Variants in FAM227B observed in about 807,000 individuals in gnomAD.
FAM227B encodes family with sequence similarity 227 member B, also known as protein FAM227B.
Under a neutral mutation model 73.8 loss-of-function variants are expected in FAM227B, and 88 were observed. That is an observed-to-expected ratio of 1.19 (90% CI 1.00 to 1.42). FAM227B has a LOEUF of 1.42. Ranked by LOEUF, FAM227B falls within the 40% of genes most tolerant of loss-of-function variation. The pLI, the probability that FAM227B is intolerant of heterozygous loss-of-function variation, is 0.00. For missense variants in FAM227B, 632 were observed against 590.9 expected (o/e 1.07, Z -0.72); for synonymous variants, 210 against 190.5 (o/e 1.10, Z -0.84).
At chr15:49,500,819 G>C (rs1038167142) in intron 11 of FAM227B, among the ~76,000 whole-genome samples, 1 of 152,142 alleles carries the variant, frequency 6.6e-6, no homozygotes, top group Non-Finnish European at 1.5e-5. Flanking sequence ...AGAATGGCTG[G>C]GGCCATTCCC....
chr15:49,427,911 A>T (rs78421699), intron 11 of FAM227B, among the ~76,000 whole-genome samples: 3,709 of 152,106 alleles, frequency 0.024, 123 homozygotes, highest in South Asian at 0.16. Context: ...AGGGAATTTT[A>T]AAAAATTACT....
intron 11 of FAM227B, among the ~76,000 whole-genome samples, chr15:49,493,886 A>ATG (rs1333254358): frequency 2.9e-5 from 4 of 138,814 alleles, no homozygotes; most frequent in South Asian, 4.5e-4. Context: ...ATATATATAT[A>ATG]TATGTGTGTG....
intron 11 of FAM227B, among the ~76,000 whole-genome samples, chr15:49,498,589 C>T (rs1273004289): frequency 3.3e-5 from 5 of 152,042 alleles, no homozygotes; most frequent in African/African-American, 4.8e-5. Flanking sequence ...CACGTTTTAG[C>T]GTCAGATATA....
chr15:49,370,993 T>G (rs2045766966), intron 12 of FAM227B, among the ~76,000 whole-genome samples: 1 of 152,162 alleles, frequency 6.6e-6, no homozygotes, highest in African/African-American at 2.4e-5. Context: ...AAGATCATAT[T>G]CATGTGCAAA....
rs189391603 is a variant in FAM227B, at chr15:49,368,061, C to G, written c.1111-453G>C. On this transcript the variant is annotated intron_variant, in intron 12 of 15. Transcript: ENST00000299338. ...TTTAAAATAAAGACAAGGAGAAAAA[C>G]CTCAAAAGCAAGAGTAAGCAACTCA... is the stretch of plus-strand genomic sequence containing the variant. Among the ~76,000 whole-genome samples the G allele has an allele frequency of 2.6e-5, 4 of 151,944 alleles. No homozygotes were observed. The East Asian group carries it at 7.7e-4, about 29-fold the overall frequency.
At chr15:49,523,958 A>G (rs2152187568) in intron 10 of FAM227B, among the ~76,000 whole-genome samples, 1 of 152,094 alleles carries the variant, frequency 6.6e-6, no homozygotes, top group East Asian at 1.9e-4. Context: ...GCAGCAAAGC[A>G]TTCAAGATGT....
At chr15:49,592,277 T>C (rs1369672674) in intron 3 of FAM227B, among the ~76,000 whole-genome samples, 2 of 152,246 alleles carry the variant, frequency 1.3e-5, no homozygotes, top group Non-Finnish European at 2.9e-5. Context: ...GATTTTCTGC[T>C]CTGGTTTCTC....
intron 11 of FAM227B, among the ~76,000 whole-genome samples, chr15:49,499,922 C>A (rs1159669747): frequency 6.6e-6 from 1 of 152,134 alleles, no homozygotes; most frequent in South Asian, 2.1e-4. Flanking sequence ...TATAAAATTT[C>A]CATGTGAAAT....
At chr15:49,456,595 C>T (rs748727658) in intron 11 of FAM227B, among the ~76,000 whole-genome samples, 14 of 151,904 alleles carry the variant, frequency 9.2e-5, no homozygotes, top group Admixed American at 5.9e-4. Context: ...TTTCTCTTCT[C>T]AAGGAATAAA....
intron 13 of FAM227B, among the ~76,000 whole-genome samples, chr15:49,354,508 C>G (rs557735528): frequency 1.9e-4 from 29 of 152,326 alleles, no homozygotes; most frequent in African/African-American, 7.0e-4. Flanking sequence ...AAAATCGTGT[C>G]ACTCCCACCT....
At chr15:49,424,904 C>T (rs1264975711) in intron 11 of FAM227B, 2 of 171,402 alleles carry the variant, frequency 1.2e-5, no homozygotes, top group African/African-American at 4.7e-5. Flanking sequence ...ATTGTCTAAG[C>T]AAAACTCATT....
intron 10 of FAM227B, among the ~76,000 whole-genome samples, chr15:49,515,797 C>A (rs2059337742): frequency 6.6e-6 from 1 of 152,092 alleles, no homozygotes; most frequent in African/African-American, 2.4e-5. Flanking sequence ...TCTCTTTGTG[C>A]CTTCTTCTCA....
intron 3 of FAM227B, among the ~76,000 whole-genome samples, chr15:49,610,342 A>G (rs888132908): frequency 6.6e-6 from 1 of 151,444 alleles, no homozygotes. Flanking sequence ...ATACTTAGAT[A>G]CACCATGTGA....
chr15:49,355,541 A>T (rs1567137283), intron 13 of FAM227B, among the ~76,000 whole-genome samples: 2 of 152,196 alleles, frequency 1.3e-5, no homozygotes, highest in Non-Finnish European at 2.9e-5. Context: ...GTTTAGAGAA[A>T]AAAGAATAAA....
chr15:49,335,109 G>C (rs2039473602), intron 14 of FAM227B, among the ~76,000 whole-genome samples: 6 of 152,072 alleles, frequency 3.9e-5, no homozygotes. Context: ...GTCTTCCAGG[G>C]CTTATCTTTG....
At chr15:49,424,903 G>C (rs1197545912) in intron 11 of FAM227B, 1 of 171,630 alleles carries the variant, frequency 5.8e-6, no homozygotes, top group East Asian at 1.5e-4. Context: ...TATTGTCTAA[G>C]CAAAACTCAT....
intron 11 of FAM227B, among the ~76,000 whole-genome samples, chr15:49,416,918 T>C (rs1298751757): frequency 6.6e-6 from 1 of 152,184 alleles, no homozygotes; most frequent in Non-Finnish European, 1.5e-5. Context: ...AAAGATTCCA[T>C]GTTCATGGAT....
chr15:49,366,353 G>T, intron 13 of FAM227B: 1 of 787,144 alleles, frequency 1.3e-6, no homozygotes, highest in South Asian at 1.3e-5. Context: ...AACCAACATT[G>T]CTTCAGCACC....
intron 10 of FAM227B, among the ~76,000 whole-genome samples, chr15:49,532,702 A>G (rs1013261108): frequency 2.0e-5 from 3 of 151,902 alleles, no homozygotes; most frequent in Admixed American, 2.0e-4. Context: ...AGAATTCTCA[A>G]AAAACCATTT....
Sources: gnomAD v4.1 joint callset for allele counts (sites outside exome capture counted in the v4.1 genomes callset) on GRCh38, gnomAD v4.1.1 for gene constraint, MANE v1.5 for transcripts, NCBI Gene and HGNC (gene_info 2026-07-23, HGNC 2026-07-21) for gene names.